The following TTC28 variants were observed in gnomAD, a reference collection of about 807,000 sequenced individuals.
The protein encoded by TTC28 is tetratricopeptide repeat protein 28.
TTC28 carries 61 observed loss-of-function variants against 198.0 expected under a neutral mutation model. The observed-to-expected ratio is 0.31, with a 90% confidence interval of 0.25 to 0.38. TTC28 has a LOEUF of 0.38. Ranked by LOEUF, TTC28 falls within the 10% of genes least tolerant of loss-of-function variation. The probability of loss-of-function intolerance (pLI) is 1.00; values close to 1 mark genes in which losing one functional copy is unlikely to be tolerated. For missense variants in TTC28, 2,678 were observed against 3,164.0 expected (o/e 0.85, Z 3.69); for synonymous variants, 1,171 against 1,297.8 (o/e 0.90, Z 2.10).
At chr22:28,138,611 C>A (rs1035351174) in intron 6 of TTC28, among the ~76,000 whole-genome samples, 8 of 152,134 alleles carry the variant, frequency 5.3e-5, no homozygotes, top group Non-Finnish European at 1.2e-4. Flanking sequence ...TGTAAGTATA[C>A]TGATTTGGTC....
At chr22:28,208,664 T>C (rs1301487522) in intron 5 of TTC28, among the ~76,000 whole-genome samples, 2 of 152,218 alleles carry the variant, frequency 1.3e-5, no homozygotes, top group Non-Finnish European at 2.9e-5. Flanking sequence ...TACTATGCTA[T>C]GAATTCAAGC....
intron 6 of TTC28, among the ~76,000 whole-genome samples, chr22:28,117,345 C>T (rs1192318847): frequency 6.6e-6 from 1 of 151,198 alleles, no homozygotes; most frequent in Non-Finnish European, 1.5e-5. Flanking sequence ...TGGGCTGTTA[C>T]TCTATTAGCA....
rs1936998793 is a variant in TTC28 at position 27,981,210 on chromosome 22, A to AAATCT, written c.*1006_*1010dup. 1 of 140,422 alleles carries AAATCT rather than the reference A, an allele frequency of 7.1e-6. No individual in the cohort carries two copies. Among genetic ancestry groups the AAATCT allele is most frequent in the Non-Finnish European group, 1.5e-5 (1 of 65,998 alleles). The allele number at this position is 140,422 out of a possible 1,614,324, so 8.7% of individuals were successfully genotyped here. ...GAGCCTGGAAGGCGGGATTCTGGTT[A>AAATCT]AATCTAGTTAGCCATGGAAATTTTT... is the stretch of plus-strand genomic sequence containing the variant. On this transcript the variant is annotated 3_prime_UTR_variant, in exon 23 of 23. Coordinates refer to ENST00000397906, the MANE Select transcript of TTC28 (RefSeq NM_001145418.2).
At chr22:28,243,172 T>TAAAAAAAAAA (rs71316834) in intron 5 of TTC28, among the ~76,000 whole-genome samples, 1 of 24,890 alleles carries the variant, frequency 4.0e-5, no homozygotes, top group African/African-American at 1.8e-4. Context: ...ACCCCCTCTC[T>TAAAAAAAAAA]ACAAAAAAAA....
chr22:28,302,598 A>G (rs1026928955), intron 3 of TTC28, among the ~76,000 whole-genome samples: 1 of 152,238 alleles, frequency 6.6e-6, no homozygotes, highest in Admixed American at 6.5e-5. Context: ...CAGCCAATGG[A>G]CTAGCAAATG....
chr22:28,522,684 T>A (rs1343210489), intron 2 of TTC28, among the ~76,000 whole-genome samples: 1 of 151,770 alleles, frequency 6.6e-6, no homozygotes, highest in Non-Finnish European at 1.5e-5. Context: ...ACAGCAAGAA[T>A]AAAATACTAA....
In TTC28 at chr22:28,611,061, T is replaced by C. The variant is rs141194119; in HGVS notation, c.381+18491A>G. 7.0e-3 allele frequency among the ~76,000 whole-genome samples: 1,065 copies of C among 152,074 alleles called. 12 individuals are homozygous for C. Among genetic ancestry groups the C allele is most frequent in the African/African-American group, 0.025 (1,028 of 41,476 alleles). On this transcript the variant is annotated intron_variant, in intron 2 of 22. Transcript: ENST00000397906. ...AGGAACGAACAAAGCCTCCAAGAAA[T>C]ATGGGACTATGTGAAAAGACCAAAT...
At chr22:28,388,738 TG>T (rs1412891257) in intron 2 of TTC28, among the ~76,000 whole-genome samples, 1 of 152,224 alleles carries the variant, frequency 6.6e-6, no homozygotes, top group Non-Finnish European at 1.5e-5. Flanking sequence ...AAGGAGATTT[TG>T]GGCTGAGACA....
chr22:28,076,430 T>C (rs182787634), intron 12 of TTC28, among the ~76,000 whole-genome samples: 3 of 152,334 alleles, frequency 2.0e-5, no homozygotes, highest in Non-Finnish European at 4.4e-5. Context: ...GTAATTCATT[T>C]GCTTAAAAAC....
At chr22:28,483,895 A>C (rs2048284114) in intron 2 of TTC28, among the ~76,000 whole-genome samples, 1 of 152,162 alleles carries the variant, frequency 6.6e-6, no homozygotes, top group Non-Finnish European at 1.5e-5. Flanking sequence ...TCTGGATCTC[A>C]AAGTTTGGCT....
intron 2 of TTC28, among the ~76,000 whole-genome samples, chr22:28,371,735 C>T (rs991968358): frequency 8.9e-5 from 13 of 145,440 alleles, no homozygotes; most frequent in Non-Finnish European, 2.0e-4. Flanking sequence ...GCACCCATCA[C>T]CATGCCCGGC....
chr22:28,558,285 T>C (rs777753339), intron 2 of TTC28, among the ~76,000 whole-genome samples: 1 of 152,232 alleles, frequency 6.6e-6, no homozygotes, highest in Non-Finnish European at 1.5e-5. Context: ...TTCATTTACA[T>C]GGTAAGATGT....
chr22:28,424,681 T>C (rs1399222845), intron 2 of TTC28, among the ~76,000 whole-genome samples: 1 of 152,244 alleles, frequency 6.6e-6, no homozygotes, highest in Non-Finnish European at 1.5e-5. Flanking sequence ...TGAGGTCATT[T>C]CTCACCTCTG....
intron 2 of TTC28, among the ~76,000 whole-genome samples, chr22:28,404,327 C>T (rs1282802188): frequency 6.6e-6 from 1 of 152,132 alleles, no homozygotes; most frequent in Non-Finnish European, 1.5e-5. Flanking sequence ...ACCTTGTTAG[C>T]CAGGATGGTC....
rs570186342 is a variant in TTC28 at position 28,548,921 on chromosome 22, T to C, written c.381+80631A>G. Among the ~76,000 whole-genome samples, 6 of 152,328 alleles carry C rather than the reference T, an allele frequency of 3.9e-5. 1 individual carries two copies. The highest frequency in any genetic ancestry group is 8.8e-5 in the Non-Finnish European group (6 of 68,022). ...ATTCTTTAAGAGGACTTCACCTGAC[T>C]TTACCACTACAGTAAGTTTTGTTAA... On this transcript the variant is annotated intron_variant, in intron 2 of 22. Transcript: ENST00000397906.
At chr22:28,061,489 G>T (rs974677543) in intron 12 of TTC28, among the ~76,000 whole-genome samples, 1 of 152,158 alleles carries the variant, frequency 6.6e-6, no homozygotes, top group Non-Finnish European at 1.5e-5. Flanking sequence ...TTTCCCCATT[G>T]CTTGTTTTTC....
intron 16 of TTC28, 45 bp downstream of exon 16, chr22:27,998,495 G>C: frequency 6.6e-7 from 1 of 1,516,960 alleles, no homozygotes; most frequent in Non-Finnish European, 8.8e-7. Flanking sequence ...TGTGAGGACT[G>C]AGCCCCAGGC....
At chr22:28,491,775 A>G (rs1225188219) in intron 2 of TTC28, among the ~76,000 whole-genome samples, 1 of 152,200 alleles carries the variant, frequency 6.6e-6, no homozygotes, top group Non-Finnish European at 1.5e-5. Flanking sequence ...TACTCAAAGG[A>G]TTATAAATCA....
chr22:28,546,409 G>A (rs747212131), intron 2 of TTC28, among the ~76,000 whole-genome samples: 4 of 152,180 alleles, frequency 2.6e-5, no homozygotes, highest in Non-Finnish European at 4.4e-5. Context: ...GGGCACCAAT[G>A]CACTCCAGCC....
Sources: gnomAD v4.1 joint callset for allele counts (sites outside exome capture counted in the v4.1 genomes callset) on GRCh38, gnomAD v4.1.1 for gene constraint, MANE v1.5 for transcripts, NCBI Gene and HGNC (gene_info 2026-07-23, HGNC 2026-07-21) for gene names.